Variants in R3HDM2 observed in about 807,000 individuals in gnomAD.
R3HDM2 encodes the protein R3H domain-containing protein 2.
R3HDM2 carries 38 observed loss-of-function variants against 124.5 expected under a neutral mutation model. The observed-to-expected ratio is 0.31, with a 90% confidence interval of 0.24 to 0.40. R3HDM2 has a LOEUF of 0.40. Among genes scored for constraint, R3HDM2 ranks in the 10% least tolerant of loss-of-function variants. The pLI, the probability that R3HDM2 is intolerant of heterozygous loss-of-function variation, is 1.00. For synonymous variants in R3HDM2, 391 were observed against 448.0 expected (o/e 0.87, Z 1.61); for missense variants, 869 against 1,236.9 (o/e 0.70, Z 4.46).
At chr12:57,413,986 C>T (rs1013150495) in intron 1 of R3HDM2, among the ~76,000 whole-genome samples, 1 of 149,534 alleles carries the variant, frequency 6.7e-6, no homozygotes, top group Non-Finnish European at 1.5e-5. Context: ...GCTGAGATTA[C>T]AGGCACACAC....
Position 57,296,970 on chromosome 12 carries a change from A to T in R3HDM2, c.560+358T>A, listed in dbSNP as rs1468652339. The stretch of plus-strand genomic sequence containing the variant: ...ACTCAATGGCTGAGGCACAAGAATC[A>T]CTTGAACCCAGGAGGCAGAATTGCA... On this transcript the variant is annotated intron_variant, in intron 8 of 23. Coordinates refer to ENST00000402412, the MANE Select transcript of R3HDM2 (RefSeq NM_001394031.1). This position sits in a 1 kb window ranked among gnomAD's most constrained non-coding sequence, Gnocchi z 4.5. 9.0e-6 allele frequency: 2 copies of T among 221,094 alleles called. No individual in the cohort carries two copies. Among genetic ancestry groups the T allele is most frequent in the East Asian group, 2.3e-4 (2 of 8,656 alleles). 13.7% of individuals were successfully genotyped at this position (221,094 alleles called of 1,614,324 possible). A position where few individuals can be genotyped will look rare whatever the true frequency, so the allele number is the denominator to read the frequency against.
intron 2 of R3HDM2, among the ~76,000 whole-genome samples, chr12:57,384,294 C>T (rs1456983006): frequency 6.6e-6 from 1 of 150,528 alleles, no homozygotes; most frequent in Non-Finnish European, 1.5e-5. Context: ...GCAGAGCTTG[C>T]AGTGAGCCGA....
chr12:57,310,122 G>C lies in R3HDM2; in HGVS notation c.165+142C>G, dbSNP rs2053598908. On this transcript the variant is annotated intron_variant, in intron 3 of 23. Coordinates refer to ENST00000402412, the MANE Select transcript of R3HDM2 (RefSeq NM_001394031.1). ...GCTACTTGGGAGGCTGACGTGGGAG[G>C]ATCTCTTGATGCAGGAGTTTGAGGG... 2.1e-5 allele frequency: 11 copies of C among 519,364 alleles called. No homozygotes were observed. The South Asian group carries it at 4.1e-4, about 19-fold the overall frequency. 32.2% of individuals were successfully genotyped at this position (519,364 alleles called of 1,614,324 possible). A position where few individuals can be genotyped will look rare whatever the true frequency, so the allele number is the denominator to read the frequency against.
chr12:57,407,106 TG>T (rs1010532263), intron 1 of R3HDM2, among the ~76,000 whole-genome samples: 12 of 151,704 alleles, frequency 7.9e-5, no homozygotes, highest in African/African-American at 2.9e-4. Flanking sequence ...AAAAATTAGC[TG>T]GGCATGGTGA....
chr12:57,339,696 TAAA>T (rs746288298), intron 2 of R3HDM2, among the ~76,000 whole-genome samples: 2 of 131,058 alleles, frequency 1.5e-5, no homozygotes. Context: ...AGACTCCATC[TAAA>T]AAAAAAAAAA....
chr12:57,269,582 A>G, intron 15 of R3HDM2, 133 bp from the exon 16 acceptor site: 1 of 1,456,682 alleles, frequency 6.9e-7, no homozygotes, highest in East Asian at 2.3e-5. Context: ...CAATTGCAGT[A>G]AAACAAGGAT....
rs752482077 is a variant in R3HDM2, at chr12:57,345,150, T to C, written c.-35-34687A>G. On this transcript the variant is annotated intron_variant, in intron 2 of 23. Coordinates refer to ENST00000402412, the MANE Select transcript of R3HDM2 (RefSeq NM_001394031.1). ...CAACTGGCCTAAAAAAATTTCCTTATTGGGGGAAAAAAAAACCAGATCATC... is the reference window on the plus strand; with the variant it reads ...CAACTGGCCTAAAAAAATTTCCTTACTGGGGGAAAAAAAAACCAGATCATC... Among the ~76,000 whole-genome samples, 6 of 149,882 alleles carry C rather than the reference T, an allele frequency of 4.0e-5. 1 individual carries two copies. Among genetic ancestry groups the C allele is most frequent in the Non-Finnish European group, 1.5e-5 (1 of 67,916 alleles).
intron 21 of R3HDM2, 32 bp from the exon 22 acceptor site, chr12:57,256,543 G>T (rs1466933315): frequency 2.7e-6 from 4 of 1,475,018 alleles, no homozygotes. Flanking sequence ...TTTTCTGGGA[G>T]CTTAAGCTTC....
intron 1 of R3HDM2, among the ~76,000 whole-genome samples, chr12:57,421,613 C>G (rs2070209419): frequency 6.6e-6 from 1 of 151,746 alleles, no homozygotes; most frequent in Middle Eastern, 3.4e-3. Context: ...TTTAGGTAAT[C>G]CTCCCACCTC....
intron 1 of R3HDM2, among the ~76,000 whole-genome samples, chr12:57,398,892 T>A (rs981083226): frequency 1.3e-5 from 2 of 152,206 alleles, no homozygotes; most frequent in Non-Finnish European, 2.9e-5. Flanking sequence ...AAATCCAATC[T>A]TCTGAGGCAG....
intron 2 of R3HDM2, among the ~76,000 whole-genome samples, chr12:57,315,935 C>T (rs1295912726): frequency 6.6e-6 from 1 of 152,172 alleles, no homozygotes; most frequent in Non-Finnish European, 1.5e-5. Context: ...GCCTGGGCAA[C>T]ATGGCAAACC....
intron 2 of R3HDM2, among the ~76,000 whole-genome samples, chr12:57,388,401 G>T (rs944520350): frequency 6.6e-6 from 1 of 152,202 alleles, no homozygotes. Context: ...ATTTATTAGC[G>T]AAAGTAGGAA....
chr12:57,362,059 G>C (rs2062024996), intron 2 of R3HDM2, among the ~76,000 whole-genome samples: 1 of 152,150 alleles, frequency 6.6e-6, no homozygotes, highest in South Asian at 2.1e-4. Flanking sequence ...TTGAGCCTGG[G>C]AGGCAGAAGT....
chr12:57,283,754 A>G, intron 13 of R3HDM2, 70 bp downstream of exon 13: 2 of 1,478,534 alleles, frequency 1.4e-6, no homozygotes, highest in Non-Finnish European at 1.9e-6. Flanking sequence ...AAAAGTAAAT[A>G]TCAGTGATGT....
chr12:57,358,925 CTT>C (rs567382472), intron 2 of R3HDM2, among the ~76,000 whole-genome samples: 3 of 144,504 alleles, frequency 2.1e-5, no homozygotes, highest in Non-Finnish European at 1.5e-5. Flanking sequence ...AAATTTTTTT[CTT>C]TTTTTTTTTT....
intron 2 of R3HDM2, among the ~76,000 whole-genome samples, chr12:57,360,454 T>C (rs2061791452): frequency 6.6e-6 from 1 of 152,018 alleles, no homozygotes; most frequent in African/African-American, 2.4e-5. Flanking sequence ...ATCAACATAG[T>C]GAGACCCCCA....
intron 2 of R3HDM2, among the ~76,000 whole-genome samples, chr12:57,375,951 C>T (rs915540726): frequency 7.9e-5 from 12 of 152,170 alleles, no homozygotes; most frequent in East Asian, 1.9e-4. Context: ...GGATTACAGG[C>T]GTGAGCCACC....
intron 1 of R3HDM2, among the ~76,000 whole-genome samples, chr12:57,419,896 T>A (rs564175785): frequency 3.3e-5 from 5 of 152,098 alleles, no homozygotes; most frequent in African/African-American, 9.6e-5. Context: ...CAACAGCTAT[T>A]CGAACTTGCC....
intron 2 of R3HDM2, among the ~76,000 whole-genome samples, chr12:57,318,377 G>A (rs150131237): frequency 8.5e-5 from 13 of 152,134 alleles, no homozygotes; most frequent in African/African-American, 2.9e-4. Flanking sequence ...GCTGGGTGGT[G>A]CAGTGGCTCA....
Sources: gnomAD v4.1 joint callset for allele counts (sites outside exome capture counted in the v4.1 genomes callset) on GRCh38, gnomAD v4.1.1 for gene constraint, Gnocchi (gnomAD v3.1) non-coding constraint, MANE v1.5 for transcripts, NCBI Gene and HGNC (gene_info 2026-07-23, HGNC 2026-07-21) for gene names.